The following IGFL2 variants were observed in gnomAD, a reference collection of about 807,000 sequenced individuals.
IGFL2 encodes the protein IGF like family member 2.
IGFL2 carries 7 observed loss-of-function variants against 13.9 expected under a neutral mutation model. That is an observed-to-expected ratio of 0.51 (90% CI 0.29 to 0.95). IGFL2 has a LOEUF of 0.95. Ranked by LOEUF, IGFL2 falls within the 40% of genes least tolerant of loss-of-function variation. The pLI is 0.08. For synonymous variants in IGFL2, 55 were observed against 55.8 expected (o/e 0.99, Z 0.07); for missense variants, 138 against 147.8 (o/e 0.93, Z 0.34).
At chr19:46,143,756 C>T (rs1289361293), upstream of IGFL2, among the ~76,000 whole-genome samples, 1 of 152,194 alleles carries the variant, frequency 6.6e-6, no homozygotes, top group Admixed American at 6.5e-5. Context: ...TCTGCTCAAA[C>T]CCCCTCCAAG....
the IGFL2 span, chr19:46,111,196 T>C: frequency 6.5e-6 from 1 of 152,704 alleles, no homozygotes; most frequent in African/African-American, 2.4e-5. Flanking sequence ...CTTTTTCCAC[T>C]TGAATTGTTA....
At chr19:46,201,914 AGGTTGGGG>A in the IGFL2 span, among the ~76,000 whole-genome samples, 1 of 63,450 alleles carries the variant, frequency 1.6e-5, no homozygotes, top group East Asian at 3.9e-4. Context: ...ATTGTTGGGC[AGGTTGGGG>A]AGGGCTAGTC....
chr19:46,191,236 A>G, the IGFL2 span, among the ~76,000 whole-genome samples: 1 of 152,188 alleles, frequency 6.6e-6, no homozygotes, highest in African/African-American at 2.4e-5. Flanking sequence ...AACTCAGCCC[A>G]GAAAGGGAAG....
chr19:46,215,293 G>A, the IGFL2 span, among the ~76,000 whole-genome samples: 1 of 152,118 alleles, frequency 6.6e-6, no homozygotes, highest in African/African-American at 2.4e-5. Flanking sequence ...TGCTAAAAAT[G>A]TACAGTTAAT....
In IGFL2 at chr19:46,160,608, G is replaced by T; in HGVS notation, c.74-6G>T. The T allele has an allele frequency of 6.2e-7, 1 of 1,614,102 alleles. No individual in the cohort carries two copies. The highest frequency in any genetic ancestry group is 8.5e-7 in the Non-Finnish European group (1 of 1,179,976). ...TCACACCAACAATGTCTGTCCATCT[G>T]TCCAGCTCCCGCTGGCTCAGAACCA... On this transcript the variant is annotated splice_region_variant and splice_polypyrimidine_tract_variant and intron_variant, in intron 2 of 3. Coordinates refer to ENST00000377693, the MANE Select transcript of IGFL2 (RefSeq NM_001135113.2).
chr19:46,156,026 A>G (rs990592978), intron 1 of IGFL2, among the ~76,000 whole-genome samples: 13 of 152,198 alleles, frequency 8.5e-5, no homozygotes, highest in Non-Finnish European at 1.5e-4. Context: ...TGTGTTGCCC[A>G]GGCTGGTCTT....
At chr19:46,117,460 TTTTG>T in the IGFL2 span, among the ~76,000 whole-genome samples, 247 of 152,234 alleles carry the variant, frequency 1.6e-3, 1 homozygote, top group African/African-American at 5.0e-3. Flanking sequence ...TTTTGTTGTT[TTTTG>T]TTTGTTTGTT....
At chr19:46,170,833 T>A in the IGFL2 span, among the ~76,000 whole-genome samples, 2 of 152,202 alleles carry the variant, frequency 1.3e-5, no homozygotes, top group Admixed American at 1.3e-4. Context: ...AGACCAGTTC[T>A]CTGCTCTTGA....
chr19:46,194,848 ATATATTTTTTTTTTTTTT>A, the IGFL2 span, among the ~76,000 whole-genome samples: 2 of 33,952 alleles, frequency 5.9e-5, no homozygotes, highest in Admixed American at 3.8e-4. Context: ...ATATATATAT[ATATATTTTTTTTTTTTTT>A]TTTTTTTTTT....
At chr19:46,135,364 A>G in the IGFL2 span, among the ~76,000 whole-genome samples, 1 of 152,004 alleles carries the variant, frequency 6.6e-6, no homozygotes, top group Non-Finnish European at 1.5e-5. Context: ...GTTTTCTTAG[A>G]GTCTGTATTT....
chr19:46,164,961 G>A (rs1974329961), downstream of IGFL2, among the ~76,000 whole-genome samples: 1 of 152,238 alleles, frequency 6.6e-6, no homozygotes, highest in African/African-American at 2.4e-5. Context: ...TAGATATGGT[G>A]TAGGCCTAAC....
chr19:46,093,809 T>G, the IGFL2 span, among the ~76,000 whole-genome samples: 1 of 152,150 alleles, frequency 6.6e-6, no homozygotes, highest in Admixed American at 6.6e-5. Flanking sequence ...CAATTCAAAT[T>G]TGAAATTAAA....
the IGFL2 span, among the ~76,000 whole-genome samples, chr19:46,086,585 A>G: frequency 6.6e-6 from 1 of 152,156 alleles, no homozygotes; most frequent in Non-Finnish European, 1.5e-5. Context: ...CGGCCTCCCA[A>G]AGTGCTGGGA....
upstream of IGFL2, among the ~76,000 whole-genome samples, chr19:46,143,947 G>A (rs544237223): frequency 8.3e-4 from 127 of 152,348 alleles, 2 homozygotes; most frequent in Middle Eastern, 0.017. Context: ...TGGGGCTACA[G>A]CCTTAGGGGA....
the IGFL2 span, among the ~76,000 whole-genome samples, chr19:46,087,641 G>GC: frequency 6.6e-6 from 1 of 152,254 alleles, no homozygotes; most frequent in Non-Finnish European, 1.5e-5. Context: ...TAGGCAGGTG[G>GC]CTGGGGCATG....
chr19:46,141,557 C>A (rs970429809), upstream of IGFL2, among the ~76,000 whole-genome samples: 1 of 152,192 alleles, frequency 6.6e-6, no homozygotes, highest in Non-Finnish European at 1.5e-5. Context: ...CTAGCACCTT[C>A]TCCACCTACA....
chr19:46,133,586 G>T, the IGFL2 span, among the ~76,000 whole-genome samples: 10 of 152,252 alleles, frequency 6.6e-5, no homozygotes, highest in Non-Finnish European at 1.0e-4. Context: ...GGCCTGTTCA[G>T]GCATGCCAGG....
chr19:46,200,580 A>G, the IGFL2 span, among the ~76,000 whole-genome samples: 1 of 149,690 alleles, frequency 6.7e-6, no homozygotes, highest in Non-Finnish European at 1.5e-5. Flanking sequence ...CAGTGGTCTT[A>G]TCATGACTAA....
chr19:46,167,190 A>G, the IGFL2 span, among the ~76,000 whole-genome samples: 1 of 152,230 alleles, frequency 6.6e-6, no homozygotes. Flanking sequence ...TTCTTCTGTC[A>G]TGGCTTCAGC....
Sources: allele counts gnomAD v4.1 joint callset (sites outside exome capture counted in the v4.1 genomes callset), GRCh38; gene constraint gnomAD v4.1.1; transcripts MANE v1.5; gene names NCBI Gene and HGNC (gene_info 2026-07-23, HGNC 2026-07-21).